The following IL12RB2 variants were observed in gnomAD, a reference collection of about 807,000 sequenced individuals.
IL12RB2 encodes interleukin 12 receptor subunit beta 2.
IL12RB2 carries 82 observed loss-of-function variants against 89.4 expected under a neutral mutation model. That is an observed-to-expected ratio of 0.92 (90% confidence interval 0.77 to 1.10). The LOEUF (loss-of-function observed/expected upper bound fraction) is 1.10. Ranked by LOEUF, IL12RB2 falls within the 50% of genes least tolerant of loss-of-function variation. The pLI, the probability that IL12RB2 is intolerant of heterozygous loss-of-function variation, is 0.00. For missense variants in IL12RB2, 963 were observed against 1,031.9 expected, an observed-to-expected ratio of 0.93 and a Z score of 0.92; for synonymous variants, 368 against 370.1, an observed-to-expected ratio of 0.99 and a Z score of 0.07.
At position 67,367,861 on chromosome 1, in the gene IL12RB2, A is replaced by G; in HGVS notation, c.1295A>G (p.Glu432Gly). Residue 432 changes from glutamate (E) to glycine (G), a missense_variant, in exon 11 of 17, where the codon GAG becomes GGG. Coordinates refer to ENST00000674203, the MANE Select transcript of IL12RB2 (RefSeq NM_001374259.2). ...LAPRQVSANS[E>G]GMDNILVTWQ... Reference sequence around the variant, plus strand: ...CCTCGCCAGGTCTCTGCAAACTCAGAGGGCATGGACAACATTCTGGTGACT... The same window carrying G: ...CCTCGCCAGGTCTCTGCAAACTCAGGGGGCATGGACAACATTCTGGTGACT... 3 of 1,607,934 alleles carry G rather than the reference A, an allele frequency of 1.9e-6. No individual in the cohort carries two copies. Among genetic ancestry groups the G allele is most frequent in the South Asian group, 1.1e-5 (1 of 90,964 alleles).
intron 9 of IL12RB2, among the ~76,000 whole-genome samples, chr1:67,344,295 A>T (rs975127598): frequency 5.3e-5 from 8 of 151,984 alleles, no homozygotes; most frequent in Admixed American, 5.2e-4. Flanking sequence ...AATTTTAATA[A>T]TTTTTTTTCT....
intron 10 of IL12RB2, 94 bp downstream of exon 10, chr1:67,351,183 T>A: frequency 6.4e-7 from 1 of 1,555,892 alleles, no homozygotes; most frequent in South Asian, 1.2e-5. Context: ...CTAAAATGAG[T>A]AGCTAGGAGT....
At chr1:67,379,464 C>T (rs574414729) in intron 13 of IL12RB2, among the ~76,000 whole-genome samples, 2 of 138,332 alleles carry the variant, frequency 1.4e-5, no homozygotes, top group Non-Finnish European at 3.1e-5. Context: ...GAGCCGAGAT[C>T]GCATCACTGC....
chr1:67,330,266 G>GGTTTTTT (rs1553311321), intron 7 of IL12RB2, among the ~76,000 whole-genome samples: 2 of 55,716 alleles, frequency 3.6e-5, no homozygotes, highest in Admixed American at 4.1e-4. Context: ...TAATTAAAGG[G>GGTTTTTT]TTTTTTTAAA....
At chr1:67,368,069 C>T in intron 11 of IL12RB2, 44 bp downstream of exon 11, 1 of 1,300,752 alleles carries the variant, frequency 7.7e-7, no homozygotes, top group Non-Finnish European at 1.1e-6. Flanking sequence ...ACTAAGTTCA[C>T]ATTTGTTTGG....
intron 13 of IL12RB2, among the ~76,000 whole-genome samples, chr1:67,378,872 A>T (rs926047059): frequency 2.1e-5 from 3 of 140,384 alleles, no homozygotes; most frequent in Non-Finnish European, 4.7e-5. Context: ...AAAAAAAAAA[A>T]ATGTTAAGTG....
At chr1:67,338,774 T>C (rs1453319871) in intron 9 of IL12RB2, 71 bp downstream of exon 9, 1 of 797,966 alleles carries the variant, frequency 1.3e-6, no homozygotes, top group Non-Finnish European at 2.3e-6. Context: ...ATTTGCATAG[T>C]GGCTTTTATA....
intron 14 of IL12RB2, among the ~76,000 whole-genome samples, 156 bp from the exon 15 acceptor site, chr1:67,386,423 T>C (rs1665153379): frequency 6.6e-6 from 1 of 152,006 alleles, no homozygotes; most frequent in African/African-American, 2.4e-5. Context: ...AGGGTCCCAT[T>C]TCCCGCACTG....
intron 10 of IL12RB2, among the ~76,000 whole-genome samples, chr1:67,357,747 ACT>A (rs1450621814): frequency 6.6e-6 from 1 of 152,184 alleles, no homozygotes; most frequent in Non-Finnish European, 1.5e-5. Context: ...GAAACAGCTA[ACT>A]CAGCCGATGG....
chr1:67,317,959 A>G (rs1382442100), intron 2 of IL12RB2, among the ~76,000 whole-genome samples: 1 of 152,220 alleles, frequency 6.6e-6, no homozygotes, highest in Non-Finnish European at 1.5e-5. Flanking sequence ...TGAGTAAAAA[A>G]TCAACTGGGG....
intron 10 of IL12RB2, among the ~76,000 whole-genome samples, chr1:67,360,491 C>T (rs1027617513): frequency 4.0e-5 from 6 of 151,596 alleles, no homozygotes; most frequent in African/African-American, 9.7e-5. Context: ...AAAAAGGAAC[C>T]GTTATAAAAT....
chr1:67,388,099 C>G (rs1222142167), intron 15 of IL12RB2, among the ~76,000 whole-genome samples: 1 of 151,976 alleles, frequency 6.6e-6, no homozygotes, highest in Non-Finnish European at 1.5e-5. Flanking sequence ...ATCACCTGAA[C>G]AGGAGGCAGA....
intron 8 of IL12RB2, among the ~76,000 whole-genome samples, chr1:67,335,683 G>C (rs1658673562): frequency 6.6e-6 from 1 of 151,916 alleles, no homozygotes; most frequent in Non-Finnish European, 1.5e-5. Flanking sequence ...TATTTGGCTA[G>C]ATAACATTGA....
intron 4 of IL12RB2, among the ~76,000 whole-genome samples, chr1:67,323,096 A>G (rs1656795474): frequency 6.6e-6 from 1 of 152,084 alleles, no homozygotes. Context: ...GCTCAATGAG[A>G]CTCTGTCCAG....
At chr1:67,345,408 T>G (rs1020638880) in intron 9 of IL12RB2, among the ~76,000 whole-genome samples, 1 of 152,176 alleles carries the variant, frequency 6.6e-6, no homozygotes. Context: ...CTTGTATCTC[T>G]CTCTCATATG....
At chr1:67,370,021 GAA>G (rs56153451) in intron 11 of IL12RB2, among the ~76,000 whole-genome samples, 3 of 125,494 alleles carry the variant, frequency 2.4e-5, no homozygotes, top group Admixed American at 8.1e-5. Flanking sequence ...GACTCCATCT[GAA>G]AAAAAAAAAA....
chr1:67,321,680 C>T lies in IL12RB2; in HGVS notation c.155C>T (p.Ser52Phe). 1 of 1,604,964 alleles carries T rather than the reference C, an allele frequency of 6.2e-7. No homozygotes were observed. The highest frequency in any genetic ancestry group is 8.5e-7 in the Non-Finnish European group (1 of 1,171,670). Residue 52 changes from serine (S) to phenylalanine (F), a missense_variant, in exon 4 of 17, where the codon TCT becomes TTT. Physicochemically the swap from Ser to Phe is radical, Grantham distance 155. Transcript: ENST00000674203. ...LLGSTVNITC[S>F]LKPRQGCFHY... ...GGATCCACTGTCAATATTACATGCT[C>T]TTTGAAGCCCAGACAAGGCTGCTTT... is the stretch of plus-strand genomic sequence containing the variant.
chr1:67,349,961 A>C (rs1310040142), intron 9 of IL12RB2, among the ~76,000 whole-genome samples: 1 of 152,250 alleles, frequency 6.6e-6, no homozygotes, highest in African/African-American at 2.4e-5. Context: ...CCAAATTATT[A>C]GAAGAGTGCT....
At chr1:67,375,847 C>CTTT (rs1211630762) in intron 13 of IL12RB2, among the ~76,000 whole-genome samples, 1 of 136,044 alleles carries the variant, frequency 7.4e-6, no homozygotes. Context: ...TTTTCTTTTT[C>CTTT]TTTTTTTTTT....
Sources: allele counts gnomAD v4.1 joint callset (sites outside exome capture counted in the v4.1 genomes callset), GRCh38; gene constraint gnomAD v4.1.1; transcripts MANE v1.5; gene names NCBI Gene and HGNC (gene_info 2026-07-23, HGNC 2026-07-21).